Variants in PFKP observed in about 807,000 individuals in gnomAD.
PFKP encodes the protein ATP-dependent 6-phosphofructokinase, platelet type.
A neutral mutation model predicts 94.3 loss-of-function variants in PFKP; 101 were observed. The ratio of observed to expected loss-of-function variants is 1.07; its 90% CI spans 0.91 to 1.26. The LOEUF (loss-of-function observed/expected upper bound fraction) is 1.26. Among genes scored for constraint, PFKP ranks in the 50% most tolerant of loss-of-function variants. The pLI, the probability that PFKP is intolerant of heterozygous loss-of-function variation, is 0.00. For synonymous variants in PFKP, 573 were observed against 432.6 expected, an observed-to-expected ratio of 1.32 and a Z score of -4.03; for missense variants, 1,145 against 1,103.3, an observed-to-expected ratio of 1.04 and a Z score of -0.53.
rs774277555 is a variant in PFKP, at chr10:3,120,033, A to G, written c.1672A>G (p.Thr558Ala). 8.1e-6 allele frequency: 13 copies of G among 1,613,850 alleles called. No individual in the cohort carries two copies. Among genetic ancestry groups the G allele is most frequent in the African/African-American group, 1.3e-5 (1 of 74,922 alleles). The change falls in exon 16 of 22, where the codon ACT becomes GCT. Residue 558 changes from threonine (T) to alanine (A), a missense_variant. Coordinates refer to ENST00000381125, the MANE Select transcript of PFKP (RefSeq NM_002627.5). ...CATCGGGGCAGACACCGCCCTGAAC[A>G]CTATCACCGACGTAAGTCCGTGTGC... ...FSIGADTALN[T>A]ITDTCDRIKQ...
intron 15 of PFKP, among the ~76,000 whole-genome samples, chr10:3,119,647 ACT>A (rs1837198739): frequency 6.6e-6 from 1 of 152,030 alleles, no homozygotes; most frequent in Admixed American, 6.5e-5. Context: ...CAGAAATGAG[ACT>A]CTTACCCATG....
Position 3,135,751 on chromosome 10 carries a change from C to G in PFKP, c.2138C>G (p.Thr713Ser), listed in dbSNP as rs1319507961. 1 of 1,610,278 alleles carries G rather than the reference C, an allele frequency of 6.2e-7. No individual in the cohort carries two copies. Among genetic ancestry groups the G allele is most frequent in the Admixed American group, 1.7e-5 (1 of 59,882 alleles). The change falls in exon 21 of 22, where the codon ACC (threonine) becomes AGC (serine). Residue 713 changes from threonine to serine, a missense_variant. Physicochemically the swap from Thr to Ser is moderately conservative, Grantham distance 58 (BLOSUM62 1). Coordinates refer to ENST00000381125, the MANE Select transcript of PFKP (RefSeq NM_002627.5). ...EARGRGKKFT[T>S]DDSICVLGIS... ...TCTTTTATAGGAAAAAAATTTACCA[C>G]CGATGATTCCATTTGTGTGCTGGGA...
At chr10:3,112,603 G>T (rs188089926) in intron 11 of PFKP, among the ~76,000 whole-genome samples, 1 of 152,326 alleles carries the variant, frequency 6.6e-6, no homozygotes, top group Admixed American at 6.5e-5. Flanking sequence ...TGTTGCCTAG[G>T]CTAAAGTGCA....
intron 16 of PFKP, among the ~76,000 whole-genome samples, chr10:3,127,621 G>A (rs895077409): frequency 2.6e-5 from 4 of 152,186 alleles, no homozygotes; most frequent in African/African-American, 9.7e-5. Flanking sequence ...CGGTACAGGT[G>A]GAACAGTGCA....
intron 14 of PFKP, 85 bp downstream of exon 14, chr10:3,116,931 G>A (rs377047709): frequency 5.4e-5 from 58 of 1,069,390 alleles, no homozygotes; most frequent in Admixed American, 4.7e-4. Flanking sequence ...GGGTGCCGAC[G>A]CCAGTTGGAT....
At chr10:3,117,662 C>G (rs1014325315) in intron 14 of PFKP, among the ~76,000 whole-genome samples, 2 of 152,098 alleles carry the variant, frequency 1.3e-5, no homozygotes, top group Non-Finnish European at 2.9e-5. Flanking sequence ...CTCATGAGCT[C>G]TGTGTGTGGG....
chr10:3,135,945 T>C, intron 21 of PFKP, 107 bp downstream of exon 21: 1 of 708,718 alleles, frequency 1.4e-6, no homozygotes, highest in Non-Finnish European at 2.5e-6. Context: ...TTTGAGGAAC[T>C]GGCTTTTCTG....
chr10:3,094,488 G>A (rs973097697), intron 2 of PFKP, among the ~76,000 whole-genome samples: 1 of 152,184 alleles, frequency 6.6e-6, no homozygotes, highest in African/African-American at 2.4e-5. Flanking sequence ...ATCAGTGAGG[G>A]TGCTTTGCTG....
intron 7 of PFKP, 78 bp downstream of exon 7, chr10:3,105,579 A>G (rs1190425896): frequency 2.9e-6 from 3 of 1,023,964 alleles, no homozygotes; most frequent in Non-Finnish European, 4.6e-6. Context: ...GTGGGACGGC[A>G]TTTTAAGCAA....
At chr10:3,090,200 G>T (rs953180206) in intron 2 of PFKP, among the ~76,000 whole-genome samples, 17 of 152,198 alleles carry the variant, frequency 1.1e-4, no homozygotes, top group Non-Finnish European at 2.5e-4. Flanking sequence ...TAAGCCATTA[G>T]AAAACCTGCT....
intron 16 of PFKP, among the ~76,000 whole-genome samples, chr10:3,121,261 G>T (rs1004541218): frequency 6.6e-6 from 1 of 152,202 alleles, no homozygotes; most frequent in Non-Finnish European, 1.5e-5. Flanking sequence ...CGTTGCTTCT[G>T]TTCTCCTGGT....
chr10:3,114,902 C>A (rs35375917), intron 13 of PFKP, among the ~76,000 whole-genome samples: 98,100 of 152,070 alleles, frequency 0.65, 32,632 homozygotes, highest in East Asian at 0.84. Flanking sequence ...TCTAAAGGGA[C>A]CCGCTGCTGT....
At chr10:3,126,609 G>A (rs531177160) in intron 16 of PFKP, among the ~76,000 whole-genome samples, 9 of 152,362 alleles carry the variant, frequency 5.9e-5, no homozygotes, top group South Asian at 2.1e-4. Context: ...CTCGGCTGCC[G>A]TGAGGGATAC....
At chr10:3,098,322 C>T (rs1834666805) in intron 2 of PFKP, among the ~76,000 whole-genome samples, 1 of 152,132 alleles carries the variant, frequency 6.6e-6, no homozygotes, top group South Asian at 2.1e-4. Context: ...GTGGGCATTG[C>T]TGCATTTCCT....
intron 1 of PFKP, among the ~76,000 whole-genome samples, chr10:3,069,644 A>G (rs1256936848): frequency 1.3e-5 from 2 of 152,062 alleles, no homozygotes; most frequent in Non-Finnish European, 2.9e-5. Flanking sequence ...GTGCTTTGGG[A>G]GGCCGAGGCA....
chr10:3,080,390 G>A (rs1413165086), intron 1 of PFKP, among the ~76,000 whole-genome samples: 5 of 151,914 alleles, frequency 3.3e-5, no homozygotes, highest in Non-Finnish European at 7.4e-5. Flanking sequence ...GGTGGCGGGC[G>A]CCTGTAGTCC....
intron 10 of PFKP, 38 bp downstream of exon 10, chr10:3,109,518 C>T (rs374366257): frequency 2.5e-5 from 40 of 1,592,018 alleles, no homozygotes; most frequent in African/African-American, 4.0e-5. Flanking sequence ...AGGGCGGAGA[C>T]GGCTGGGACA....
At chr10:3,105,610 CCA>C (rs1835465038) in intron 7 of PFKP, 109 bp downstream of exon 7, 1 of 753,422 alleles carries the variant, frequency 1.3e-6, no homozygotes. Context: ...TTCTCTGTCT[CCA>C]GTTTGTCACA....
intron 8 of PFKP, 67 bp downstream of exon 8, chr10:3,107,376 G>A: frequency 1.1e-6 from 1 of 929,134 alleles, no homozygotes; most frequent in Non-Finnish European, 1.8e-6. Flanking sequence ...TAGCGTCATG[G>A]GCAGGCTTGG....
Sources: allele counts gnomAD v4.1 joint callset (sites outside exome capture counted in the v4.1 genomes callset), GRCh38; gene constraint gnomAD v4.1.1; transcripts MANE v1.5; gene names NCBI Gene and HGNC (gene_info 2026-07-23, HGNC 2026-07-21).